MCM8: variants seen among roughly 807,000 people sequenced by gnomAD.
MCM8 encodes DNA helicase MCM8.
A neutral mutation model predicts 98.9 loss-of-function variants in MCM8; 85 were observed. The ratio of observed to expected loss-of-function variants is 0.86; its 90% confidence interval spans 0.72 to 1.03. MCM8 has a LOEUF of 1.03. MCM8 is among the 50% of genes least tolerant of loss of function. The pLI, the probability that MCM8 is intolerant of heterozygous loss-of-function variation, is 0.00. For missense variants in MCM8, 951 were observed against 997.8 expected (o/e 0.95, Z 0.63); for synonymous variants, 352 against 338.6 (o/e 1.04, Z -0.44).
In MCM8 at chr20:5,998,840, A is replaced by G. The variant is rs1282305117; in HGVS notation, c.*4449A>G. The G allele has an allele frequency of 6.6e-6, 1 of 152,186 alleles. No individual in the cohort carries two copies. The highest frequency in any genetic ancestry group is 1.5e-5 in the Non-Finnish European group (1 of 68,038). 9.4% of individuals were successfully genotyped at this position (152,186 alleles called of 1,614,324 possible). A position where few individuals can be genotyped will look rare whatever the true frequency, so the allele number is the denominator to read the frequency against. On this transcript the variant is annotated 3_prime_UTR_variant, in exon 19 of 19. Transcript: ENST00000610722. ...CTCAGAAGAACTGAAAACAAAAGCTATACCAGGCTTGCTCTAGAGCGTGGG... is the reference window on the plus strand; with the variant it reads ...CTCAGAAGAACTGAAAACAAAAGCTGTACCAGGCTTGCTCTAGAGCGTGGG...
chr20:5,971,405 A>C (rs1475011762), intron 10 of MCM8, among the ~76,000 whole-genome samples: 5 of 152,240 alleles, frequency 3.3e-5, no homozygotes, highest in Non-Finnish European at 7.3e-5. Flanking sequence ...CCAGGTCTTT[A>C]GACAAACTCA....
chr20:5,979,446 A>C (rs8124775), intron 13 of MCM8, among the ~76,000 whole-genome samples: 1 of 152,196 alleles, frequency 6.6e-6, no homozygotes, highest in Admixed American at 6.5e-5. Context: ...CTTATTGTCT[A>C]CACAGTATCT....
intron 8 of MCM8, 21 bp downstream of exon 8, chr20:5,963,380 A>G (rs2089198134): frequency 2.5e-6 from 4 of 1,589,960 alleles, no homozygotes; most frequent in East Asian, 4.5e-5. Context: ...AGACTGTTAC[A>G]TAAAAGGCAG....
intron 10 of MCM8, among the ~76,000 whole-genome samples, chr20:5,971,429 C>T (rs932964083): frequency 3.3e-5 from 5 of 152,216 alleles, no homozygotes; most frequent in Non-Finnish European, 1.5e-5. Context: ...AATTGTCAAC[C>T]AGAAAATGTT....
At position 5,950,696 on chromosome 20, in the gene MCM8, G is replaced by C. The variant is rs2088795197; in HGVS notation, c.-333G>C. ...CACTGAAGCGCCAAAAAAGAATTTAGGGGAAGACCTGATTTTCGCTTGAGG... is the reference window on the plus strand; with the variant it reads ...CACTGAAGCGCCAAAAAAGAATTTACGGGAAGACCTGATTTTCGCTTGAGG... On this transcript the variant is annotated 5_prime_UTR_variant, in exon 1 of 19. Coordinates refer to ENST00000610722, the MANE Select transcript of MCM8 (RefSeq NM_032485.6). 3.0e-6 allele frequency: 1 copy of C among 330,926 alleles called. No homozygotes were observed. Among genetic ancestry groups the C allele is most frequent in the African/African-American group, 2.1e-5 (1 of 46,814 alleles). The allele number at this position is 330,926 out of a possible 1,614,324, so 20.5% of individuals were successfully genotyped here.
At position 5,984,940 on chromosome 20, in the gene MCM8, A is replaced by G. The variant is rs762519089; in HGVS notation, c.1893A>G (p.Gln631=). The change falls in exon 15 of 19, where the codon CAA becomes CAG. Residue 631 remains glutamine, a synonymous_variant. Transcript: ENST00000610722. The part of the protein sequence containing the change: ...SSATVARMNS[Q]DSNTSVLEVV... ...CCACAGTAGCTCGTATGAATAGTCA[A>G]GATTCAAATACTTCCGTACTTGAAG... is the stretch of plus-strand genomic sequence containing the variant. 6.2e-7 allele frequency: 1 copy of G among 1,614,174 alleles called. No homozygotes were observed.
chr20:5,952,302 CCAGATTTTTA>C, intron 2 of MCM8, 112 bp from the exon 3 acceptor site: 1 of 1,552,896 alleles, frequency 6.4e-7, no homozygotes, highest in Non-Finnish European at 8.7e-7. Context: ...CATTGATGTC[CCAGATTTTTA>C]CTAAAACCCC....
At position 5,986,148 on chromosome 20, in the gene MCM8, G is replaced by A; in HGVS notation, c.2163+17G>A. 2 of 1,612,782 alleles carry A rather than the reference G, an allele frequency of 1.2e-6. No individual in the cohort carries two copies. Among genetic ancestry groups the A allele is most frequent in the Admixed American group, 1.7e-5 (1 of 59,930 alleles). ...CTGACAGAGGTTTGTTTCTTTTTAT[G>A]GTCATGCTTTTTTTGGCTTAAAGGG... On this transcript the variant is annotated intron_variant, in intron 16 of 18. Coordinates refer to ENST00000610722, the MANE Select transcript of MCM8 (RefSeq NM_032485.6).
At chr20:5,954,932 A>G (rs913930005) in intron 4 of MCM8, among the ~76,000 whole-genome samples, 170 bp from the exon 5 acceptor site, 6 of 152,244 alleles carry the variant, frequency 3.9e-5, no homozygotes, top group East Asian at 1.9e-4. Context: ...ATACATTAAT[A>G]TATTTAAAAT....
chr20:5,972,131 C>T, intron 11 of MCM8, 94 bp downstream of exon 11: 1 of 869,950 alleles, frequency 1.1e-6, no homozygotes, highest in South Asian at 1.6e-5. Flanking sequence ...TTTCTATTGG[C>T]CAGTTATTTA....
intron 15 of MCM8, among the ~76,000 whole-genome samples, chr20:5,985,652 TC>T (rs1240085267): frequency 1.3e-5 from 2 of 151,786 alleles, no homozygotes; most frequent in Non-Finnish European, 2.9e-5. Flanking sequence ...TTCAAGTGAT[TC>T]TCCTGCCTCA....
In MCM8 at chr20:5,996,198, C is replaced by T. The variant is rs531324148; in HGVS notation, c.*1807C>T. 7.9e-5 allele frequency: 12 copies of T among 151,546 alleles called. No homozygotes were observed. In the South Asian group the frequency reaches 1.2e-3, roughly 15 times the overall value. The allele number at this position is 151,546 out of a possible 1,614,324, so 9.4% of individuals were successfully genotyped here. On this transcript the variant is annotated 3_prime_UTR_variant, in exon 19 of 19. Transcript: ENST00000610722. ...GCTGAAGTAGGAAATCACTTGAGCC[C>T]GAGAGTTTGAGGTTACAGTGAGCTA...
chr20:5,988,076 C>T (rs1600306796), intron 17 of MCM8, among the ~76,000 whole-genome samples: 1 of 151,940 alleles, frequency 6.6e-6, no homozygotes, highest in African/African-American at 2.4e-5. Flanking sequence ...TTTTAAAAAT[C>T]AGTAATATTA....
intron 14 of MCM8, among the ~76,000 whole-genome samples, chr20:5,983,737 A>G (rs990523886): frequency 1.2e-4 from 18 of 152,100 alleles, no homozygotes; most frequent in African/African-American, 4.3e-4. Context: ...TCACATACAC[A>G]ATTTATTATT....
chr20:5,958,207 A>G (rs551429199), intron 6 of MCM8, among the ~76,000 whole-genome samples: 55 of 152,280 alleles, frequency 3.6e-4, no homozygotes, highest in Middle Eastern at 6.8e-3. Context: ...TGTCTCTACT[A>G]AAAATACAAA....
At chr20:5,989,398 G>A (rs1380027645) in intron 17 of MCM8, among the ~76,000 whole-genome samples, 2 of 152,106 alleles carry the variant, frequency 1.3e-5, no homozygotes, top group African/African-American at 4.8e-5. Context: ...TTACAGGCAT[G>A]AGCCACCACG....
At chr20:5,960,953 A>G (rs1467496560) in intron 7 of MCM8, among the ~76,000 whole-genome samples, 4 of 151,978 alleles carry the variant, frequency 2.6e-5, no homozygotes, top group African/African-American at 9.6e-5. Flanking sequence ...ACATAAATAA[A>G]TAAGAAGCCC....
Position 5,978,030 on chromosome 20 carries a change from A to G in MCM8, c.1537+13A>G. The G allele has an allele frequency of 6.2e-7, 1 of 1,614,002 alleles. No homozygotes were observed. Among genetic ancestry groups the G allele is most frequent in the South Asian group, 1.1e-5 (1 of 91,048 alleles). ...CTTGGTGATCAAGGTGAGAGGCCAA[A>G]GGGAATAATTAGTGATTCTGGGACT... On this transcript the variant is annotated intron_variant, in intron 13 of 18. Transcript: ENST00000610722.
intron 17 of MCM8, among the ~76,000 whole-genome samples, chr20:5,992,898 G>T (rs1267758933): frequency 6.6e-6 from 1 of 152,168 alleles, no homozygotes; most frequent in Non-Finnish European, 1.5e-5. Flanking sequence ...GATTAAACAG[G>T]ATGGTTAATT....
Sources: gnomAD v4.1 joint callset for allele counts (sites outside exome capture counted in the v4.1 genomes callset) on GRCh38, gnomAD v4.1.1 for gene constraint, MANE v1.5 for transcripts, NCBI Gene and HGNC (gene_info 2026-07-23, HGNC 2026-07-21) for gene names.